AHCYL2: variants seen among roughly 807,000 people sequenced by gnomAD.
AHCYL2 encodes the protein S-adenosylhomocysteine hydrolase-like protein 2.
A neutral mutation model predicts 81.4 loss-of-function variants in AHCYL2; 28 were observed. The observed-to-expected ratio is 0.34, with a 90% confidence interval of 0.25 to 0.47. AHCYL2 has a LOEUF of 0.47. Ranked by LOEUF, AHCYL2 falls within the 20% of genes least tolerant of loss-of-function variation. The pLI is 1.00. For missense variants in AHCYL2, 551 were observed against 785.1 expected, an observed-to-expected ratio of 0.70 and a Z score of 3.56; for synonymous variants, 272 against 290.2, an observed-to-expected ratio of 0.94 and a Z score of 0.64.
At chr7:129,288,651 C>T (rs774228586) in intron 1 of AHCYL2, among the ~76,000 whole-genome samples, 11 of 152,074 alleles carry the variant, frequency 7.2e-5, no homozygotes, top group Admixed American at 2.6e-4. Context: ...TGAGCCACTG[C>T]GCCTGGCAGT....
Position 129,379,731 on chromosome 7 carries a change from A to G in AHCYL2, c.457A>G (p.Thr153Ala). The G allele has an allele frequency of 6.2e-7, 1 of 1,614,056 alleles. No homozygotes were observed. Residue 153 changes from threonine (T) to alanine (A), a missense_variant, in exon 2 of 17, where the codon ACT becomes GCT. By Grantham distance (58) the Thr-to-Ala change is moderately conservative. This residue lies in a region of AHCYL2 where 235 missense variants were observed against 242.1 expected (regional missense o/e 0.97). Coordinates refer to ENST00000325006, the MANE Select transcript of AHCYL2 (RefSeq NM_015328.4). Reference protein sequence around the residue: ...SLSRSISQSSTDSYSSAASYT... With the variant: ...SLSRSISQSSADSYSSAASYT... ...GTCTCGTTCCATTTCTCAGTCATCT[A>G]CTGACAGCTACAGCTCAGGTGAGTA...
intron 1 of AHCYL2, among the ~76,000 whole-genome samples, chr7:129,360,085 C>T (rs937041501): frequency 1.3e-4 from 20 of 151,520 alleles, no homozygotes; most frequent in Non-Finnish European, 2.9e-4. Flanking sequence ...TTAGGCTTTG[C>T]CCTGAGCTAG....
chr7:129,377,504 C>T (rs1254461337), intron 1 of AHCYL2: 1 of 455,654 alleles, frequency 2.2e-6, no homozygotes, highest in Non-Finnish European at 4.4e-6. Context: ...TCCCTTGTCG[C>T]AATACTCAAG....
At chr7:129,371,280 C>T (rs1172245751) in intron 1 of AHCYL2, among the ~76,000 whole-genome samples, 1 of 152,160 alleles carries the variant, frequency 6.6e-6, no homozygotes, top group East Asian at 1.9e-4. Context: ...AAAAATTTAG[C>T]AGAGAAGGTA....
chr7:129,258,594 A>T (rs966288935), intron 1 of AHCYL2, among the ~76,000 whole-genome samples: 5 of 147,422 alleles, frequency 3.4e-5, no homozygotes, highest in African/African-American at 1.3e-4. Flanking sequence ...CTCTGCTTAT[A>T]GCAGATAAAA....
At chr7:129,229,895 T>C (rs1794358356) in intron 1 of AHCYL2, among the ~76,000 whole-genome samples, 1 of 152,176 alleles carries the variant, frequency 6.6e-6, no homozygotes, top group Admixed American at 6.6e-5. Flanking sequence ...TAAATAAATT[T>C]GGAGTACCTG....
chr7:129,345,399 A>G (rs917026562), intron 1 of AHCYL2, among the ~76,000 whole-genome samples: 4 of 152,232 alleles, frequency 2.6e-5, no homozygotes, highest in Admixed American at 6.5e-5. Context: ...ATGACTGAAG[A>G]ACTATCGATG....
chr7:129,251,317 A>ATTTTT (rs3042851), intron 1 of AHCYL2, among the ~76,000 whole-genome samples: 5 of 119,500 alleles, frequency 4.2e-5, no homozygotes, highest in African/African-American at 1.6e-4. Flanking sequence ...GATAGTAAAG[A>ATTTTT]TTTTTTTTTT....
intron 1 of AHCYL2, among the ~76,000 whole-genome samples, chr7:129,371,508 C>T (rs1328794799): frequency 6.6e-6 from 1 of 152,212 alleles, no homozygotes; most frequent in Non-Finnish European, 1.5e-5. Flanking sequence ...AAAACTTCTC[C>T]TGGAGCCTCT....
chr7:129,350,842 T>C (rs1793536491), intron 1 of AHCYL2, among the ~76,000 whole-genome samples: 1 of 151,462 alleles, frequency 6.6e-6, no homozygotes, highest in Admixed American at 6.6e-5. Context: ...TAGCTGGGAT[T>C]AGAGGCTCCC....
At chr7:129,227,608 CAAAAAAAAAAAAAAAAAAA>C (rs57256611) in intron 1 of AHCYL2, among the ~76,000 whole-genome samples, 1 of 80,764 alleles carries the variant, frequency 1.2e-5, no homozygotes, top group African/African-American at 5.0e-5. Flanking sequence ...GACCTTGTCT[CAAAAAAAAAAAAAAAAAAA>C]AAAAAGTTAA....
Position 129,368,303 on chromosome 7 carries a change from T to G in AHCYL2, c.364-11335T>G. On this transcript the variant is annotated intron_variant, in intron 1 of 16. Coordinates refer to ENST00000325006, the MANE Select transcript of AHCYL2 (RefSeq NM_015328.4). The surrounding 1 kb of genome is among the most constrained non-coding windows in gnomAD (Gnocchi z 4.4). ...GGCTTTGAAGCCGGCCAGTAAGGGG[T>G]TGTCAGGCAGTTGACTAATGCTCTT... 1 of 1,428,700 alleles carries G rather than the reference T, an allele frequency of 7.0e-7. No homozygotes were observed. 88.5% of individuals were successfully genotyped at this position (1,428,700 alleles called of 1,614,324 possible).
At chr7:129,339,645 C>G (rs1204465571) in intron 1 of AHCYL2, among the ~76,000 whole-genome samples, 3 of 151,682 alleles carry the variant, frequency 2.0e-5, no homozygotes, top group Non-Finnish European at 4.4e-5. Flanking sequence ...AATCCTCCCA[C>G]TTCAGCCTCT....
chr7:129,240,679 T>C (rs1794819997), intron 1 of AHCYL2, among the ~76,000 whole-genome samples: 1 of 151,528 alleles, frequency 6.6e-6, no homozygotes, highest in African/African-American at 2.4e-5. Context: ...CCTAGATTGC[T>C]GGTTAAGCAG....
intron 1 of AHCYL2, among the ~76,000 whole-genome samples, chr7:129,285,747 T>G (rs886355412): frequency 2.0e-5 from 3 of 147,128 alleles, no homozygotes; most frequent in African/African-American, 7.5e-5. Context: ...TCACCCAGGT[T>G]GCAGTGCAGT....
chr7:129,268,869 A>G (rs1267577963), intron 1 of AHCYL2, among the ~76,000 whole-genome samples: 3 of 152,236 alleles, frequency 2.0e-5, no homozygotes, highest in Non-Finnish European at 2.9e-5. Context: ...AAAGCATACA[A>G]TTCAGTGAGT....
At position 129,237,753 on chromosome 7, in the gene AHCYL2, A is replaced by G. The variant is rs539892451; in HGVS notation, c.363+12314A>G. Among the ~76,000 whole-genome samples the G allele has an allele frequency of 1.6e-4, 25 of 152,170 alleles. 1 individual carries two copies. In the South Asian group the frequency reaches 5.2e-3, roughly 32 times the overall value. On this transcript the variant is annotated intron_variant, in intron 1 of 16. Coordinates refer to ENST00000325006, the MANE Select transcript of AHCYL2 (RefSeq NM_015328.4). ...TATTAATATTATTATTCTGAGACAG[A>G]GTCTTGCTGTGTCGCCCAGGCTAGA...
chr7:129,291,162 G>A (rs946664042), intron 1 of AHCYL2, among the ~76,000 whole-genome samples: 1 of 152,004 alleles, frequency 6.6e-6, no homozygotes, highest in African/African-American at 2.4e-5. Context: ...AAATGGCAAA[G>A]AGCATACATG....
At chr7:129,233,634 C>G (rs950843715) in intron 1 of AHCYL2, among the ~76,000 whole-genome samples, 1 of 152,050 alleles carries the variant, frequency 6.6e-6, no homozygotes, top group Non-Finnish European at 1.5e-5. Flanking sequence ...ACTACAGGCA[C>G]GCACTACCAC....
Sources: allele counts gnomAD v4.1 joint callset (sites outside exome capture counted in the v4.1 genomes callset), GRCh38; gene constraint gnomAD v4.1.1; regional missense constraint gnomAD v4.1.1; non-coding constraint Gnocchi (gnomAD v3.1); transcripts MANE v1.5; gene names NCBI Gene and HGNC (gene_info 2026-07-23, HGNC 2026-07-21).